The following ARB2A variants were observed in gnomAD, a reference collection of about 807,000 sequenced individuals.
ARB2A encodes the protein cotranscriptional regulator ARB2A.
the ARB2A span, among the ~76,000 whole-genome samples, chr5:93,754,719 T>G: frequency 1.3e-3 from 199 of 152,350 alleles, no homozygotes; most frequent in Non-Finnish European, 2.5e-3. Flanking sequence ...ATTGACTATT[T>G]TGGGGGAGCA....
the ARB2A span, among the ~76,000 whole-genome samples, chr5:93,669,161 C>T: frequency 1.3e-5 from 2 of 151,974 alleles, no homozygotes; most frequent in African/African-American, 4.8e-5. Context: ...GCTGTATTCC[C>T]CACACCATAC....
At chr5:93,738,870 GTTGCCTAA>G in the ARB2A span, 4 of 152,196 alleles carry the variant, frequency 2.6e-5, no homozygotes, top group Admixed American at 6.5e-5. Context: ...AGTGGTGATG[GTTGCCTAA>G]CATTGTGAAT....
the ARB2A span, among the ~76,000 whole-genome samples, chr5:93,759,655 A>G: frequency 6.6e-5 from 10 of 152,242 alleles, no homozygotes. Flanking sequence ...TCACATGATC[A>G]TCTCAATAGA....
the ARB2A span, chr5:93,683,745 G>A: frequency 4.4e-6 from 7 of 1,598,750 alleles, no homozygotes; most frequent in Admixed American, 1.0e-4. Flanking sequence ...TTAGGTAGGA[G>A]AGAAGGCGGA....
chr5:93,972,954 T>A, the ARB2A span, among the ~76,000 whole-genome samples: 2 of 151,980 alleles, frequency 1.3e-5, no homozygotes, highest in East Asian at 3.9e-4. Flanking sequence ...GGAATTTCTT[T>A]TTCTTTTCCT....
chr5:93,829,439 A>T, the ARB2A span, among the ~76,000 whole-genome samples: 4 of 152,134 alleles, frequency 2.6e-5, no homozygotes, highest in African/African-American at 9.7e-5. Context: ...TTCCTCTGGA[A>T]AGTCAACCCT....
At chr5:94,045,498 T>C in the ARB2A span, among the ~76,000 whole-genome samples, 1 of 152,310 alleles carries the variant, frequency 6.6e-6, no homozygotes, top group Admixed American at 6.5e-5. Context: ...ACTTTAATAG[T>C]ATGAAACTTC....
the ARB2A span, among the ~76,000 whole-genome samples, chr5:93,872,014 C>A: frequency 2.0e-5 from 3 of 149,232 alleles, no homozygotes; most frequent in African/African-American, 7.4e-5. Flanking sequence ...AGTGGCGTGA[C>A]CTCGGCTCAC....
the ARB2A span, among the ~76,000 whole-genome samples, chr5:93,975,465 T>C: frequency 6.6e-6 from 1 of 151,502 alleles, no homozygotes; most frequent in African/African-American, 2.4e-5. Flanking sequence ...CTAAATGAAA[T>C]TGAGAACCCA....
chr5:94,002,592 C>T, the ARB2A span, among the ~76,000 whole-genome samples: 2 of 151,946 alleles, frequency 1.3e-5, no homozygotes, highest in African/African-American at 4.8e-5. Context: ...ACTTCTCTTA[C>T]GAATCTAAAA....
the ARB2A span, among the ~76,000 whole-genome samples, chr5:93,967,795 C>T: frequency 6.6e-6 from 1 of 152,090 alleles, no homozygotes; most frequent in East Asian, 1.9e-4. Context: ...ACCTAGCTGA[C>T]CTGGCAGAAA....
the ARB2A span, among the ~76,000 whole-genome samples, chr5:94,085,553 T>C: frequency 2.6e-5 from 4 of 152,340 alleles, no homozygotes; most frequent in East Asian, 3.9e-4. Context: ...TCAAGAAAGA[T>C]AGATCCAGTA....
At chr5:93,847,338 A>T in the ARB2A span, among the ~76,000 whole-genome samples, 2 of 152,194 alleles carry the variant, frequency 1.3e-5, no homozygotes, top group Non-Finnish European at 2.9e-5. Flanking sequence ...TAAAATAACA[A>T]ACCAGTATAT....
the ARB2A span, among the ~76,000 whole-genome samples, chr5:93,687,042 G>A: frequency 1.3e-5 from 2 of 151,816 alleles, no homozygotes; most frequent in Admixed American, 6.6e-5. Context: ...AGATAAAAAG[G>A]CAACTAGGCA....
At chr5:94,044,828 C>A in the ARB2A span, among the ~76,000 whole-genome samples, 1 of 152,056 alleles carries the variant, frequency 6.6e-6, no homozygotes, top group African/African-American at 2.4e-5. Context: ...GCTATACTCC[C>A]ACTGGCACCA....
At chr5:93,673,743 T>C in the ARB2A span, among the ~76,000 whole-genome samples, 2 of 152,198 alleles carry the variant, frequency 1.3e-5, no homozygotes, top group Admixed American at 1.3e-4. Flanking sequence ...AGAAGACAAA[T>C]TACTGTAAGT....
chr5:93,922,661 A>AG, the ARB2A span, among the ~76,000 whole-genome samples: 10 of 54,608 alleles, frequency 1.8e-4, no homozygotes, highest in Non-Finnish European at 2.3e-4. Flanking sequence ...GGAGGGAGGG[A>AG]GGAAGGGAGG....
the ARB2A span, chr5:93,743,448 G>A: frequency 1.5e-6 from 1 of 665,634 alleles, no homozygotes. Flanking sequence ...TAGATTTTAA[G>A]ATGACAGTCT....
chr5:93,821,324 ATG>A, the ARB2A span, among the ~76,000 whole-genome samples: 1 of 151,984 alleles, frequency 6.6e-6, no homozygotes, highest in Admixed American at 6.6e-5. Flanking sequence ...TTGTGTGTGT[ATG>A]TGTGTGTGTC....
Sources: allele counts gnomAD v4.1 joint callset (sites outside exome capture counted in the v4.1 genomes callset), GRCh38; gene constraint gnomAD v4.1.1; transcripts MANE v1.5; gene names NCBI Gene and HGNC (gene_info 2026-07-23, HGNC 2026-07-21).